The following PALLD variants were observed in gnomAD, a reference collection of about 807,000 sequenced individuals.
PALLD encodes the protein palladin, cytoskeletal associated protein.
Under a neutral mutation model 123.5 loss-of-function variants are expected in PALLD, and 61 were observed. That is an observed-to-expected ratio of 0.49 (90% CI 0.40 to 0.61). The LOEUF (loss-of-function observed/expected upper bound fraction) is 0.61. Ranked by LOEUF, PALLD falls within the 20% of genes least tolerant of loss-of-function variation. The pLI, the probability that PALLD is intolerant of heterozygous loss-of-function variation, is 0.00. For synonymous variants in PALLD, 465 were observed against 496.4 expected (o/e 0.94, Z 0.84); for missense variants, 1,273 against 1,377.0 (o/e 0.92, Z 1.20).
intron 10 of PALLD, among the ~76,000 whole-genome samples, chr4:168,732,537 T>C (rs1260511754): frequency 6.6e-6 from 1 of 152,198 alleles, no homozygotes. Context: ...AAATTCAGGA[T>C]TGATTGGAAA....
Position 168,921,587 on chromosome 4 carries a change from A to G in PALLD, c.2904A>G (p.Val968=), listed in dbSNP as rs781313666. 1.9e-6 allele frequency: 3 copies of G among 1,609,784 alleles called. No individual in the cohort carries two copies. Among genetic ancestry groups the G allele is most frequent in the East Asian group, 4.5e-5 (2 of 44,744 alleles). The part of the protein sequence containing the change: ...DLSWQLDGKP[V]RPDSAHKMLV... ...GCTGGCAACTAGATGGAAAGCCCGT[A>G]CGCCCTGACAGTGCTCACAAGATGC... Residue 968 remains valine (V), a synonymous_variant, in exon 18 of 22, where the codon GTA becomes GTG. Transcript: ENST00000505667.
intron 10 of PALLD, among the ~76,000 whole-genome samples, chr4:168,830,832 C>T (rs987160272): frequency 1.3e-5 from 2 of 152,134 alleles, no homozygotes; most frequent in Non-Finnish European, 2.9e-5. Context: ...TCAGTAATGA[C>T]GGCAGGATAC....
intron 8 of PALLD, among the ~76,000 whole-genome samples, chr4:168,705,093 A>G (rs1410222078): frequency 6.8e-6 from 1 of 146,622 alleles, no homozygotes; most frequent in Non-Finnish European, 1.6e-5. Flanking sequence ...CTTGCAGGTG[A>G]CTTAACTGCG....
At position 168,618,351 on chromosome 4, in the gene PALLD, T is replaced by C. The variant is rs917448954; in HGVS notation, c.909-49839T>C. ...ATATTCAGACTCCATGCTACATTCC[T>C]GGGGATAGCAGAAACTCTCTCATGT... On this transcript the variant is annotated intron_variant, in intron 2 of 21. Transcript: ENST00000505667. 1.5e-4 allele frequency among the ~76,000 whole-genome samples: 23 copies of C among 152,350 alleles called. No homozygotes were observed. The South Asian group carries it at 4.3e-3, about 29-fold the overall frequency.
chr4:168,498,873 G>C (rs1205999504), intron 1 of PALLD, among the ~76,000 whole-genome samples: 1 of 152,044 alleles, frequency 6.6e-6, no homozygotes, highest in East Asian at 1.9e-4. Context: ...GAATAAAGTT[G>C]ATAAGATGAA....
chr4:168,816,410 TA>T (rs140638754), intron 10 of PALLD, among the ~76,000 whole-genome samples: 7,400 of 125,796 alleles, frequency 0.059, 602 homozygotes, highest in African/African-American at 0.21. Flanking sequence ...TATATATATA[TA>T]TATTTTTTTT....
intron 10 of PALLD, among the ~76,000 whole-genome samples, chr4:168,794,510 A>ACG (rs1158887728): frequency 3.5e-5 from 5 of 142,918 alleles, no homozygotes; most frequent in African/African-American, 1.4e-4. Flanking sequence ...ACACACGCAC[A>ACG]CACACACACA....
chr4:168,546,575 A>T (rs137895696), intron 2 of PALLD, among the ~76,000 whole-genome samples: 157 of 152,216 alleles, frequency 1.0e-3, no homozygotes, highest in African/African-American at 3.6e-3. Context: ...TTACCATGAG[A>T]ATTTAAGCCC....
chr4:168,653,183 A>G (rs185229328), intron 2 of PALLD, among the ~76,000 whole-genome samples: 1 of 152,230 alleles, frequency 6.6e-6, no homozygotes, highest in African/African-American at 2.4e-5. Flanking sequence ...GCCATAAGAA[A>G]CCTCAGGGAA....
In PALLD at chr4:168,878,318, C is replaced by T; in HGVS notation, c.1965-12604C>T. The T allele has an allele frequency of 6.6e-7, 1 of 1,526,068 alleles. No homozygotes were observed. The highest frequency in any genetic ancestry group is 8.7e-7 in the Non-Finnish European group (1 of 1,143,298). 94.5% of individuals were successfully genotyped at this position (1,526,068 alleles called of 1,614,324 possible). On this transcript the variant is annotated intron_variant, in intron 10 of 21. Coordinates refer to ENST00000505667, the MANE Select transcript of PALLD (RefSeq NM_001166108.2). Reference sequence around the variant, plus strand: ...CCACAGCCAGACGCCCGCGGCCTTCCTCAGCGCTCTGCTGCCCTCGCAGCC... The same window carrying T: ...CCACAGCCAGACGCCCGCGGCCTTCTTCAGCGCTCTGCTGCCCTCGCAGCC...
chr4:168,604,805 C>G (rs1008051705), intron 2 of PALLD, among the ~76,000 whole-genome samples: 1 of 152,170 alleles, frequency 6.6e-6, no homozygotes, highest in African/African-American at 2.4e-5. Flanking sequence ...GAGAGAATGC[C>G]TGGCAGACTC....
intron 2 of PALLD, among the ~76,000 whole-genome samples, chr4:168,659,233 G>T (rs34743000): frequency 0.016 from 2,411 of 152,300 alleles, 37 homozygotes; most frequent in Non-Finnish European, 0.027. Flanking sequence ...TCTCCAGTTC[G>T]TGGCAGACCA....
chr4:168,558,664 C>T (rs1767571184), intron 2 of PALLD, among the ~76,000 whole-genome samples: 1 of 152,296 alleles, frequency 6.6e-6, no homozygotes, highest in South Asian at 2.1e-4. Flanking sequence ...GGATCTGTCT[C>T]AGATACACGT....
chr4:168,838,789 G>T (rs909146892), intron 10 of PALLD, among the ~76,000 whole-genome samples: 29 of 145,172 alleles, frequency 2.0e-4, no homozygotes, highest in Admixed American at 7.9e-4. Flanking sequence ...CACTTGTCCA[G>T]AAATTTCATT....
At chr4:168,563,328 C>T (rs1033225012) in intron 2 of PALLD, among the ~76,000 whole-genome samples, 1 of 152,126 alleles carries the variant, frequency 6.6e-6, no homozygotes, top group African/African-American at 2.4e-5. Flanking sequence ...AAAGGCATGT[C>T]TTTTCTGCTA....
rs1754735242 is a variant in PALLD at position 168,894,655 on chromosome 4, C to T, written c.2177C>T (p.Pro726Leu). Residue 726 changes from proline (P) to leucine (L), a missense_variant, in exon 12 of 22, where the codon CCA becomes CTA. By Grantham distance (98) the Pro-to-Leu change is moderately conservative. Transcript: ENST00000505667. The part of the protein sequence containing the change: ...DSATVFNIQE[P>L]EEETANQDIG... Reference sequence around the variant, plus strand: ...GCAACTGTCTTTAATATTCAGGAGCCAGAAGAGGAAACAGCTAATCAGGTA... The same window carrying T: ...GCAACTGTCTTTAATATTCAGGAGCTAGAAGAGGAAACAGCTAATCAGGTA... 1 of 1,613,628 alleles carries T rather than the reference C, an allele frequency of 6.2e-7. No homozygotes were observed. Among genetic ancestry groups the T allele is most frequent in the Non-Finnish European group, 8.5e-7 (1 of 1,179,670 alleles).
intron 3 of PALLD, among the ~76,000 whole-genome samples, chr4:168,668,804 T>TAA (rs1779903177): frequency 6.6e-6 from 1 of 152,186 alleles, no homozygotes; most frequent in Non-Finnish European, 1.5e-5. Flanking sequence ...TCTCTTTTGT[T>TAA]AAGACCCCAT....
intron 1 of PALLD, among the ~76,000 whole-genome samples, chr4:168,506,915 C>T (rs914859697): frequency 3.9e-5 from 6 of 152,160 alleles, no homozygotes; most frequent in South Asian, 2.1e-4. Context: ...CCAGCTTCCA[C>T]GATATCTAGC....
intron 10 of PALLD, among the ~76,000 whole-genome samples, chr4:168,814,127 T>C (rs978299951): frequency 3.3e-5 from 5 of 152,174 alleles, no homozygotes; most frequent in Admixed American, 3.3e-4. Context: ...TCCAAACCAG[T>C]CTCAGAAAGT....
Sources: gnomAD v4.1 joint callset for allele counts (sites outside exome capture counted in the v4.1 genomes callset) on GRCh38, gnomAD v4.1.1 for gene constraint, MANE v1.5 for transcripts, NCBI Gene and HGNC (gene_info 2026-07-23, HGNC 2026-07-21) for gene names.